The following ADAMTS3 variants were observed in gnomAD, a reference collection of about 807,000 sequenced individuals.
The protein encoded by ADAMTS3 is ADAM metallopeptidase with thrombospondin type 1 motif 3.
ADAMTS3 carries 73 observed loss-of-function variants against 129.0 expected under a neutral mutation model. The ratio of observed to expected loss-of-function variants is 0.57; its 90% CI spans 0.47 to 0.69. ADAMTS3 has a LOEUF of 0.69. ADAMTS3 is among the 30% of genes least tolerant of loss of function. The pLI is 0.00. For synonymous variants in ADAMTS3, 477 were observed against 510.8 expected (o/e 0.93, Z 0.89); for missense variants, 1,457 against 1,514.5 (o/e 0.96, Z 0.63).
chr4:72,291,925 AT>A (rs1309867873), intron 19 of ADAMTS3, among the ~76,000 whole-genome samples: 1 of 151,960 alleles, frequency 6.6e-6, no homozygotes, highest in Non-Finnish European at 1.5e-5. Context: ...TTAATGCCCT[AT>A]TTTTTTCTGC....
intron 5 of ADAMTS3, among the ~76,000 whole-genome samples, chr4:72,326,937 C>T (rs992216546): frequency 6.6e-6 from 1 of 152,104 alleles, no homozygotes; most frequent in African/African-American, 2.4e-5. Context: ...GGACAAGCTG[C>T]TTCATACACC....
In ADAMTS3 at chr4:72,541,509, A is replaced by G. The variant is rs563005358; in HGVS notation, c.504+6969T>C. On this transcript the variant is annotated intron_variant, in intron 3 of 21. Transcript: ENST00000286657. ...ATGATTGGTTTTGAAATGTGAGGAC[A>G]TGAGATTTGGCGGAGGCCAGGGTGG... Among the ~76,000 whole-genome samples the G allele has an allele frequency of 5.3e-5, 8 of 152,324 alleles. No individual in the cohort carries two copies. The South Asian group carries it at 1.7e-3, about 32-fold the overall frequency.
chr4:72,530,720 T>G (rs1357093655), intron 3 of ADAMTS3, among the ~76,000 whole-genome samples: 1 of 81,646 alleles, frequency 1.2e-5, no homozygotes, highest in Admixed American at 2.1e-4. Flanking sequence ...TTATATATAA[T>G]ATTATACATT....
intron 5 of ADAMTS3, among the ~76,000 whole-genome samples, chr4:72,335,786 C>A (rs1719974573): frequency 6.6e-6 from 1 of 152,148 alleles, no homozygotes; most frequent in African/African-American, 2.4e-5. Context: ...TTCTTAAACA[C>A]TGCTCCCATT....
intron 3 of ADAMTS3, among the ~76,000 whole-genome samples, chr4:72,512,978 T>A (rs549968425): frequency 6.6e-6 from 1 of 152,122 alleles, no homozygotes; most frequent in African/African-American, 2.4e-5. Flanking sequence ...TAAAAATACA[T>A]CTTCAAGACA....
At chr4:72,560,634 A>G (rs573320895) in intron 2 of ADAMTS3, among the ~76,000 whole-genome samples, 1 of 152,278 alleles carries the variant, frequency 6.6e-6, no homozygotes, top group African/African-American at 2.4e-5. Flanking sequence ...GAGCTGAACA[A>G]TGAGAACACA....
intron 4 of ADAMTS3, among the ~76,000 whole-genome samples, chr4:72,390,305 A>G (rs1438733548): frequency 2.0e-5 from 3 of 152,204 alleles, no homozygotes; most frequent in Admixed American, 2.0e-4. Flanking sequence ...TTTTAGTTAA[A>G]ATAATAATAA....
intron 4 of ADAMTS3, among the ~76,000 whole-genome samples, chr4:72,391,205 C>G (rs1165192402): frequency 6.6e-6 from 1 of 152,122 alleles, no homozygotes; most frequent in East Asian, 1.9e-4. Flanking sequence ...GAAAATCCAT[C>G]TTTTTGTGTA....
At chr4:72,546,746 C>T (rs1321994297) in intron 3 of ADAMTS3, among the ~76,000 whole-genome samples, 1 of 152,060 alleles carries the variant, frequency 6.6e-6, no homozygotes, top group African/African-American at 2.4e-5. Flanking sequence ...TGAGCTGCCA[C>T]TACTCACAGG....
intron 3 of ADAMTS3, among the ~76,000 whole-genome samples, chr4:72,541,144 C>T (rs569221065): frequency 1.1e-4 from 17 of 152,288 alleles, no homozygotes; most frequent in African/African-American, 4.1e-4. Flanking sequence ...GATGGAGCTG[C>T]CCAAGACCAT....
At chr4:72,303,849 T>C in intron 17 of ADAMTS3, 68 bp downstream of exon 17, 1 of 1,513,474 alleles carries the variant, frequency 6.6e-7, no homozygotes, top group Admixed American at 1.9e-5. Flanking sequence ...AAGGTAAAAG[T>C]GTTTTCAGAT....
intron 4 of ADAMTS3, among the ~76,000 whole-genome samples, chr4:72,386,667 AT>A (rs1721456928): frequency 6.6e-6 from 1 of 152,186 alleles, no homozygotes; most frequent in South Asian, 2.1e-4. Flanking sequence ...GCACCATTGC[AT>A]TTTCATGAGC....
intron 3 of ADAMTS3, among the ~76,000 whole-genome samples, chr4:72,480,671 T>A (rs543163202): frequency 2.7e-4 from 41 of 150,126 alleles, no homozygotes; most frequent in African/African-American, 9.3e-4. Context: ...ATTGTGCACA[T>A]GTACCCTAAA....
At chr4:72,397,493 A>AGGT (rs1721755488) in intron 4 of ADAMTS3, among the ~76,000 whole-genome samples, 1 of 151,824 alleles carries the variant, frequency 6.6e-6, no homozygotes, top group African/African-American at 2.4e-5. Flanking sequence ...TGAACCAGGG[A>AGGT]GGTGGAGGCT....
chr4:72,401,795 T>C (rs1285570688), intron 4 of ADAMTS3, among the ~76,000 whole-genome samples: 1 of 152,112 alleles, frequency 6.6e-6, no homozygotes. Context: ...AAGTCAATAT[T>C]AGATTTAATC....
chr4:72,408,295 T>C (rs1185127297), intron 4 of ADAMTS3, among the ~76,000 whole-genome samples: 7 of 151,952 alleles, frequency 4.6e-5, no homozygotes, highest in South Asian at 2.1e-4. Context: ...AAGACTCATA[T>C]GAAAAAGATC....
At chr4:72,292,774 G>A (rs765235424) in intron 19 of ADAMTS3, among the ~76,000 whole-genome samples, 1 of 152,010 alleles carries the variant, frequency 6.6e-6, no homozygotes, top group Non-Finnish European at 1.5e-5. Context: ...TATATATGAG[G>A]CACCAAAATA....
intron 3 of ADAMTS3, among the ~76,000 whole-genome samples, chr4:72,459,855 A>G (rs892947039): frequency 4.6e-5 from 7 of 151,590 alleles, no homozygotes; most frequent in African/African-American, 1.7e-4. Context: ...ATCTGAACAT[A>G]GAATTCATTT....
intron 5 of ADAMTS3, among the ~76,000 whole-genome samples, chr4:72,332,616 A>G (rs1201110220): frequency 6.6e-6 from 1 of 152,206 alleles, no homozygotes; most frequent in African/African-American, 2.4e-5. Context: ...TAAAAATGTT[A>G]AGGCACATTA....
Sources: gnomAD v4.1 joint callset for allele counts (sites outside exome capture counted in the v4.1 genomes callset) on GRCh38, gnomAD v4.1.1 for gene constraint, MANE v1.5 for transcripts, NCBI Gene and HGNC (gene_info 2026-07-23, HGNC 2026-07-21) for gene names.